PGK1: variants seen among roughly 807,000 people sequenced by gnomAD.
The protein encoded by PGK1 is PRP 2.
Under a neutral mutation model 26.9 loss-of-function variants are expected in PGK1, and 3 were observed. The observed-to-expected ratio is 0.11, with a 90% CI of 0.05 to 0.29. The LOEUF (loss-of-function observed/expected upper bound fraction) is 0.29. Among genes scored for constraint, PGK1 ranks in the 10% least tolerant of loss-of-function variants. The pLI, the probability that PGK1 is intolerant of heterozygous loss-of-function variation, is 1.00. For missense variants in PGK1, 270 were observed against 314.7 expected (o/e 0.86, Z 1.07); for synonymous variants, 125 against 115.3 (o/e 1.08, Z -0.54).
Position 78,104,289 on chromosome X carries a change from G to T in PGK1, c.-52G>T. On this transcript the variant is annotated 5_prime_UTR_variant, in exon 1 of 11. Transcript: ENST00000373316. Reference sequence around the variant, plus strand: ...GCCTCCGGAGCGCACGTCGGCAGTCGGCTCCCTCGTTGACCGAATCACCGA... The same window carrying T: ...GCCTCCGGAGCGCACGTCGGCAGTCTGCTCCCTCGTTGACCGAATCACCGA... 1 of 957,647 alleles carries T rather than the reference G, an allele frequency of 1.0e-6. No homozygotes were observed. The highest frequency in any genetic ancestry group is 2.2e-5 in the Admixed American group (1 of 45,088). The allele number at this position is 957,647 out of a possible 1,213,427, so 78.9% of individuals were successfully genotyped here. A position where few individuals can be genotyped will look rare whatever the true frequency, so the allele number is the denominator to read the frequency against.
chrX:78,111,034 A>G (rs1209320449), intron 2 of PGK1, among the ~76,000 whole-genome samples: 3 of 109,771 alleles, frequency 2.7e-5, no homozygotes, highest in Admixed American at 9.7e-5. Context: ...AAAGCATGCA[A>G]TACATAATCA....
intron 1 of PGK1, among the ~76,000 whole-genome samples, chrX:78,109,380 G>A (rs2078288419): frequency 9.0e-6 from 1 of 110,691 alleles, no homozygotes; most frequent in African/African-American, 3.3e-5. Context: ...TAGTATCAAG[G>A]GAATTAGGAT....
At position 78,121,402 on chromosome X, in the gene PGK1, ATGTGTG is replaced by A. The variant is rs782769996; in HGVS notation, c.642-1415_642-1410del. ...ACTGCTTTCTTCCCTTTGTGTGTGTATGTGTGTGTGTGTGTGTGTGTGTATTTAAAA... is the reference window on the plus strand; with the variant it reads ...ACTGCTTTCTTCCCTTTGTGTGTGTATGTGTGTGTGTGTGTGTATTTAAAA... On this transcript the variant is annotated intron_variant, in intron 6 of 10. Transcript: ENST00000373316. Among the ~76,000 whole-genome samples the A allele has an allele frequency of 6.5e-5, 7 of 107,885 alleles. No individual in the cohort carries two copies. In the East Asian group the frequency reaches 8.6e-4, roughly 13 times the overall value. The allele number at this position is 107,885 out of a possible 115,157, so 93.7% of individuals were successfully genotyped here. A position where few individuals can be genotyped will look rare whatever the true frequency, so the allele number is the denominator to read the frequency against.
rs782114180 is a variant in PGK1 at position 78,127,482 on chromosome X, T to C, written c.*1652T>C. The C allele has an allele frequency of 1.8e-5, 2 of 112,117 alleles. No homozygotes were observed. Among genetic ancestry groups the C allele is most frequent in the South Asian group, 3.7e-4 (1 of 2,735 alleles). 9.2% of individuals were successfully genotyped at this position (112,117 alleles called of 1,213,427 possible). Reference sequence around the variant, plus strand: ...CCAGAAATTCTGTGCTGGAAAGATATGTATTTCACCTTTAGGGACAAAGAA... The same window carrying C: ...CCAGAAATTCTGTGCTGGAAAGATACGTATTTCACCTTTAGGGACAAAGAA... On this transcript the variant is annotated 3_prime_UTR_variant, in exon 11 of 11. Coordinates refer to ENST00000373316, the MANE Select transcript of PGK1 (RefSeq NM_000291.4).
intron 4 of PGK1, among the ~76,000 whole-genome samples, chrX:78,116,022 C>CTTTT: frequency 1.0e-5 from 1 of 99,332 alleles, no homozygotes; most frequent in East Asian, 3.1e-4. Context: ...CTGACCTTTA[C>CTTTT]TTTTTTTTTT....
intron 2 of PGK1, 46 bp from the exon 3 acceptor site, chrX:78,113,698 T>A (rs1557247090): frequency 8.6e-7 from 1 of 1,157,865 alleles, no homozygotes; most frequent in South Asian, 1.8e-5. Context: ...TCCCACTAAT[T>A]TCTAGGAGTA....
chrX:78,117,512 A>G (rs188219846), intron 5 of PGK1, 97 bp downstream of exon 5: 15 of 577,118 alleles, frequency 2.6e-5, no homozygotes, highest in African/African-American at 1.3e-4. Context: ...TTTGTATTAT[A>G]CTGTAATCCT....
Position 78,128,616 on chromosome X carries a change from T to C in PGK1, c.*2786T>C, listed in dbSNP as rs2078393599. On this transcript the variant is annotated 3_prime_UTR_variant, in exon 11 of 11. Transcript: ENST00000373316. ...GGAATTATGAATTATTGGTAAAATA[T>C]TGCAAAGGTGTATGCTTTAAGTTGT... The C allele has an allele frequency of 8.9e-6, 1 of 112,584 alleles. No homozygotes were observed. The highest frequency in any genetic ancestry group is 3.6e-4 in the South Asian group (1 of 2,761). 9.3% of individuals were successfully genotyped at this position (112,584 alleles called of 1,213,427 possible).
In PGK1 at chrX:78,104,612, C is replaced by T. The variant is rs1366076157; in HGVS notation, c.65+207C>T. On this transcript the variant is annotated intron_variant, in intron 1 of 10. Transcript: ENST00000373316. ...CCAGAAAGCACCCGAAGTCACCCTT[C>T]GGGGATGGATCCCACTGAGGAAGGG... Among the ~76,000 whole-genome samples, 6 of 111,375 alleles carry T rather than the reference C, an allele frequency of 5.4e-5. No homozygotes were observed. The East Asian group carries it at 1.7e-3, about 32-fold the overall frequency.
intron 10 of PGK1, 51 bp downstream of exon 10, chrX:78,125,476 G>A (rs782257583): frequency 1.2e-6 from 1 of 821,293 alleles, no homozygotes; most frequent in Non-Finnish European, 1.8e-6. Context: ...GGACTGTGCA[G>A]TGAGAGGTGG....
At chrX:78,113,100 G>C (rs1045610627) in intron 2 of PGK1, among the ~76,000 whole-genome samples, 1 of 111,490 alleles carries the variant, frequency 9.0e-6, no homozygotes, top group Non-Finnish European at 1.9e-5. Context: ...AGGAGTTCAA[G>C]ACCAGCCTGG....
chrX:78,124,908 A>G lies in PGK1; in HGVS notation c.971A>G (p.Tyr324Cys). The G allele has an allele frequency of 8.3e-7, 1 of 1,209,058 alleles. No individual in the cohort carries two copies. Among genetic ancestry groups the G allele is most frequent in the African/African-American group, 1.7e-5 (1 of 57,645 alleles). ...LDCGPESSKK[Y>C]AEAVTRAKQI... ...TGTGGTCCTGAAAGCAGCAAGAAGT[A>G]TGCTGAGGCTGTCACTCGGGCTAAG... Residue 324 changes from tyrosine to cysteine, a missense_variant, in exon 9 of 11, where the codon TAT (tyrosine) becomes TGT (cysteine). Around this residue, in one of 3 missense-constraint regions of PGK1, gnomAD observed 103 missense variants for 114.6 expected, o/e 0.90. Transcript: ENST00000373316.
intron 8 of PGK1, among the ~76,000 whole-genome samples, chrX:78,124,330 C>T (rs914764992): frequency 9.8e-5 from 11 of 111,713 alleles, no homozygotes; most frequent in Admixed American, 1.9e-4. Context: ...CCAGACCTAC[C>T]GAATCAGGAA....
Position 78,117,295 on chromosome X carries a change from T to G in PGK1, c.418-17T>G. On this transcript the variant is annotated splice_polypyrimidine_tract_variant and intron_variant, in intron 4 of 10. Transcript: ENST00000373316. ...CTTTGGAGCCATCACATTTTCTGTT[T>G]TTGTTTTTCTCTATAGGTTAAAGCC... The G allele has an allele frequency of 8.9e-7, 1 of 1,117,539 alleles. No homozygotes were observed. The allele number at this position is 1,117,539 out of a possible 1,213,427, so 92.1% of individuals were successfully genotyped here.
chrX:78,112,278 CAGAG>C (rs201329195), intron 2 of PGK1, among the ~76,000 whole-genome samples: 1 of 112,013 alleles, frequency 8.9e-6, no homozygotes, highest in African/African-American at 3.2e-5. Context: ...TCCATGAGAA[CAGAG>C]AGTTTTTAAA....
chrX:78,113,599 G>T, intron 2 of PGK1, 145 bp from the exon 3 acceptor site: 1 of 546,088 alleles, frequency 1.8e-6, no homozygotes, highest in Non-Finnish European at 3.1e-6. Flanking sequence ...AACTTCTTAA[G>T]GACCACCATT....
In PGK1 at chrX:78,127,822, A is replaced by G. The variant is rs2078389662; in HGVS notation, c.*1992A>G. On this transcript the variant is annotated 3_prime_UTR_variant, in exon 11 of 11. Transcript: ENST00000373316. ...TTTGTAGTTAATTTTAAATTGTACC[A>G]TGTTTCTGCATACCTCTATGGGTAC... 8.9e-6 allele frequency: 1 copy of G among 112,553 alleles called. No individual in the cohort carries two copies. Among genetic ancestry groups the G allele is most frequent in the South Asian group, 3.6e-4 (1 of 2,757 alleles). 9.3% of individuals were successfully genotyped at this position (112,553 alleles called of 1,213,427 possible). A position where few individuals can be genotyped will look rare whatever the true frequency, so the allele number is the denominator to read the frequency against.
At chrX:78,120,198 A>C (rs1199146071) in intron 6 of PGK1, among the ~76,000 whole-genome samples, 1 of 111,632 alleles carries the variant, frequency 9.0e-6, no homozygotes, top group Non-Finnish European at 1.9e-5. Context: ...ATTGTAAGAA[A>C]CACTCATATG....
At chrX:78,106,480 T>G in intron 1 of PGK1, 3 of 754,113 alleles carry the variant, frequency 4.0e-6, no homozygotes, top group South Asian at 1.3e-4. Flanking sequence ...TGGAGGTGCT[T>G]AGGCAGCCAT....
Sources: allele counts gnomAD v4.1 joint callset (sites outside exome capture counted in the v4.1 genomes callset), GRCh38; gene constraint gnomAD v4.1.1; regional missense constraint gnomAD v4.1.1; transcripts MANE v1.5; gene names NCBI Gene and HGNC (gene_info 2026-07-23, HGNC 2026-07-21).